Variants in CAPRIN1 observed in about 807,000 individuals in gnomAD.
CAPRIN1 encodes the protein cell cycle associated protein 1.
CAPRIN1 carries 29 observed loss-of-function variants against 100.9 expected under a neutral mutation model. That is an observed-to-expected ratio of 0.29 (90% CI 0.21 to 0.39). The LOEUF (loss-of-function observed/expected upper bound fraction) is 0.39, where lower values mean the gene tolerates loss of function less well. Among genes scored for constraint, CAPRIN1 ranks in the 10% least tolerant of loss-of-function variants. The pLI is 1.00. For synonymous variants in CAPRIN1, 338 were observed against 307.5 expected (o/e 1.10, Z -1.04); for missense variants, 795 against 876.7 (o/e 0.91, Z 1.18).
intron 2 of CAPRIN1, 41 bp from the exon 3 acceptor site, chr11:34,071,685 C>T: frequency 6.9e-7 from 1 of 1,454,548 alleles, no homozygotes; most frequent in Non-Finnish European, 9.6e-7. Flanking sequence ...TGGTATATAC[C>T]TTCAAAACGG....
At chr11:34,081,481 G>A (rs1165477910) in intron 7 of CAPRIN1, among the ~76,000 whole-genome samples, 1 of 151,406 alleles carries the variant, frequency 6.6e-6, no homozygotes, top group African/African-American at 2.4e-5. Context: ...TTACAGGCAT[G>A]AGCCACTGTG....
intron 12 of CAPRIN1, 149 bp from the exon 13 acceptor site, chr11:34,090,030 C>T: frequency 2.1e-6 from 1 of 468,150 alleles, no homozygotes; most frequent in South Asian, 3.7e-5. Context: ...TTATATTATA[C>T]AAATTTAAAG....
intron 2 of CAPRIN1, among the ~76,000 whole-genome samples, chr11:34,065,130 T>A (rs554922605): frequency 2.0e-5 from 3 of 151,786 alleles, no homozygotes; most frequent in Non-Finnish European, 4.4e-5. Context: ...CGACTAATTT[T>A]TTTTTGTATT....
chr11:34,097,902 C>T (rs778474384), intron 18 of CAPRIN1, 141 bp downstream of exon 18: 575 of 1,424,582 alleles, frequency 4.0e-4, no homozygotes, highest in Non-Finnish European at 5.1e-4. Flanking sequence ...TGCTCTGTTT[C>T]TAAAACTTAA....
chr11:34,053,277 T>G (rs998841283), intron 2 of CAPRIN1: 3 of 380,102 alleles, frequency 7.9e-6, no homozygotes, highest in Non-Finnish European at 1.1e-5. Context: ...GTTTCCCTCT[T>G]TGTTTCAATT....
intron 16 of CAPRIN1, 63 bp from the exon 17 acceptor site, chr11:34,097,133 T>TA: frequency 8.4e-7 from 1 of 1,195,598 alleles, no homozygotes; most frequent in Non-Finnish European, 1.2e-6. Context: ...TCTTCATTAA[T>TA]AAAAAAGTAA....
intron 7 of CAPRIN1, among the ~76,000 whole-genome samples, chr11:34,080,902 TTAATA>T (rs1200798426): frequency 2.6e-5 from 4 of 152,188 alleles, no homozygotes; most frequent in South Asian, 2.1e-4. Context: ...TAGTTGGAGA[TTAATA>T]TAAGGCAATC....
intron 4 of CAPRIN1, among the ~76,000 whole-genome samples, chr11:34,072,245 G>A (rs945337944): frequency 4.0e-5 from 6 of 151,456 alleles, no homozygotes; most frequent in Admixed American, 3.3e-4. Context: ...GTTCATGGCT[G>A]TGGTGCATAT....
intron 2 of CAPRIN1, 167 bp downstream of exon 2, chr11:34,052,803 C>A (rs1850355323): frequency 2.8e-6 from 4 of 1,443,762 alleles, no homozygotes; most frequent in Non-Finnish European, 2.7e-6. Context: ...GCGGGAGCTT[C>A]GTGCCCAGAA....
At position 34,053,076 on chromosome 11, in the gene CAPRIN1, C is replaced by T. The variant is rs1057357413; in HGVS notation, c.216+440C>T. On this transcript the variant is annotated intron_variant, in intron 2 of 18. Transcript: ENST00000341394. ...AACCGACCGCCTCGTGGAGTTGGGG[C>T]GGCCTGCGTCCTGCAGCCTTGGGGT... 4 of 1,024,048 alleles carry T rather than the reference C, an allele frequency of 3.9e-6. No homozygotes were observed. In the African/African-American group the frequency reaches 7.0e-5, roughly 18 times the overall value. 63.4% of individuals were successfully genotyped at this position (1,024,048 alleles called of 1,614,324 possible).
At chr11:34,078,192 C>G (rs769747249) in intron 6 of CAPRIN1, among the ~76,000 whole-genome samples, 1 of 152,100 alleles carries the variant, frequency 6.6e-6, no homozygotes, top group Non-Finnish European at 1.5e-5. Flanking sequence ...AGTTTTGAGC[C>G]AGGAGCCGCT....
At chr11:34,056,689 GAC>G (rs1850459810) in intron 2 of CAPRIN1, 1 of 152,154 alleles carries the variant, frequency 6.6e-6, no homozygotes, top group African/African-American at 2.4e-5. Context: ...ACTGAAGAGA[GAC>G]CTCATTTGAT....
intron 4 of CAPRIN1, among the ~76,000 whole-genome samples, chr11:34,074,514 ATCT>A (rs1347160176): frequency 6.6e-6 from 1 of 151,996 alleles, no homozygotes; most frequent in Non-Finnish European, 1.5e-5. Flanking sequence ...TTTCTTTCTT[ATCT>A]TCTTTTGCTT....
intron 15 of CAPRIN1, among the ~76,000 whole-genome samples, chr11:34,095,407 T>C (rs1191052704): frequency 6.6e-6 from 1 of 152,254 alleles, no homozygotes; most frequent in Non-Finnish European, 1.5e-5. Context: ...GACACCGATG[T>C]AGTTGGTTTA....
At chr11:34,098,586 A>G in intron 18 of CAPRIN1, 1 of 985,212 alleles carries the variant, frequency 1.0e-6, no homozygotes, top group Non-Finnish European at 1.2e-6. Flanking sequence ...TTTGATTTGA[A>G]TACTAGTAGA....
In CAPRIN1 at chr11:34,071,881, T is replaced by C. The variant is rs200787595; in HGVS notation, c.280-20T>C. ...GGTTTTTTGTCTTTCCAGTAAAGTT[T>C]GGGTTCTTTGTCATTTTAGGATGCC... On this transcript the variant is annotated intron_variant, in intron 3 of 18. Coordinates refer to ENST00000341394, the MANE Select transcript of CAPRIN1 (RefSeq NM_005898.5). 1.2e-5 allele frequency: 20 copies of C among 1,605,936 alleles called. No homozygotes were observed. In the South Asian group the frequency reaches 2.0e-4, roughly 16 times the overall value.
intron 7 of CAPRIN1, among the ~76,000 whole-genome samples, chr11:34,082,496 T>C (rs1851052909): frequency 6.6e-6 from 1 of 152,214 alleles, no homozygotes; most frequent in South Asian, 2.1e-4. Flanking sequence ...GCCGACTTTA[T>C]TTTTTAGAGC....
Position 34,097,727 on chromosome 11 carries a change from C to T in CAPRIN1, c.2031C>T (p.Gly677=). 1 of 1,614,088 alleles carries T rather than the reference C, an allele frequency of 6.2e-7. No homozygotes were observed. The highest frequency in any genetic ancestry group is 8.5e-7 in the Non-Finnish European group (1 of 1,179,964). ...GATATCAGCAGAATTTCAAGCGAGG[C>T]TCTGGGCAGAGTGGACCACGGGGAG... is the stretch of plus-strand genomic sequence containing the variant. The part of the protein sequence containing the change: ...RDGYQQNFKR[G]SGQSGPRGAP... Residue 677 remains glycine (G), a synonymous_variant, in exon 18 of 19, where the codon GGC becomes GGT. Transcript: ENST00000341394.
chr11:34,079,897 A>T, intron 7 of CAPRIN1, 132 bp downstream of exon 7: 1 of 591,998 alleles, frequency 1.7e-6, no homozygotes, highest in African/African-American at 2.0e-5. Context: ...GACTTTAAGC[A>T]TGACAAAGTT....
Sources: gnomAD v4.1 joint callset for allele counts (sites outside exome capture counted in the v4.1 genomes callset) on GRCh38, gnomAD v4.1.1 for gene constraint, MANE v1.5 for transcripts, NCBI Gene and HGNC (gene_info 2026-07-23, HGNC 2026-07-21) for gene names.